Variants in LDLRAD4 observed in about 807,000 individuals in gnomAD.
LDLRAD4 encodes the protein low-density lipoprotein receptor class A domain-containing protein 4.
Under a neutral mutation model 17.0 loss-of-function variants are expected in LDLRAD4, and 5 were observed. That is an observed-to-expected ratio of 0.29 (90% CI 0.15 to 0.62). The LOEUF (loss-of-function observed/expected upper bound fraction) is 0.62, where lower values mean the gene tolerates loss of function less well. Ranked by LOEUF, LDLRAD4 falls within the 20% of genes least tolerant of loss-of-function variation. The pLI, the probability that LDLRAD4 is intolerant of heterozygous loss-of-function variation, is 0.84. For missense variants in LDLRAD4, 340 were observed against 424.7 expected (o/e 0.80, Z 1.75); for synonymous variants, 168 against 171.8 (o/e 0.98, Z 0.17).
At chr18:13,530,274 A>T (rs1601135663) in intron 3 of LDLRAD4, among the ~76,000 whole-genome samples, 1 of 152,236 alleles carries the variant, frequency 6.6e-6, no homozygotes, top group African/African-American at 2.4e-5. Context: ...AGAGGAAGGA[A>T]CACATGTTCG....
intron 3 of LDLRAD4, among the ~76,000 whole-genome samples, chr18:13,544,815 C>T (rs924091680): frequency 4.0e-5 from 6 of 151,070 alleles, no homozygotes; most frequent in South Asian, 2.1e-4. Context: ...TTTCAGCTGC[C>T]GCCAGGAAAA....
At chr18:13,591,994 A>G (rs2095035898) in intron 3 of LDLRAD4, among the ~76,000 whole-genome samples, 1 of 152,234 alleles carries the variant, frequency 6.6e-6, no homozygotes, top group South Asian at 2.1e-4. Flanking sequence ...AGCTCAGCTC[A>G]TTCAACCACA....
intron 3 of LDLRAD4, among the ~76,000 whole-genome samples, chr18:13,450,009 A>G (rs1333099022): frequency 3.9e-5 from 6 of 152,228 alleles, no homozygotes; most frequent in African/African-American, 1.4e-4. Context: ...AAGGACAGCC[A>G]AAGGAACACA....
At chr18:13,422,025 G>T (rs2089511865) in intron 2 of LDLRAD4, among the ~76,000 whole-genome samples, 2 of 152,238 alleles carry the variant, frequency 1.3e-5, no homozygotes, top group African/African-American at 2.4e-5. Flanking sequence ...CTCCCCCGGG[G>T]AGGAGCTCTG....
chr18:13,245,884 G>A (rs2042931157), intron 1 of LDLRAD4, among the ~76,000 whole-genome samples: 1 of 152,228 alleles, frequency 6.6e-6, no homozygotes, highest in Admixed American at 6.5e-5. Context: ...TGGAGACTAA[G>A]GGGAACAGTG....
intron 2 of LDLRAD4, among the ~76,000 whole-genome samples, chr18:13,414,356 T>C (rs1466975710): frequency 6.6e-6 from 1 of 152,218 alleles, no homozygotes; most frequent in Non-Finnish European, 1.5e-5. Context: ...TTGCACTAAG[T>C]GGGCCAGTGA....
At chr18:13,365,553 A>G (rs937360242) in intron 1 of LDLRAD4, among the ~76,000 whole-genome samples, 1 of 152,232 alleles carries the variant, frequency 6.6e-6, no homozygotes, top group Non-Finnish European at 1.5e-5. Flanking sequence ...AATCCCCTCC[A>G]TGACGGTGTC....
chr18:13,642,839 C>T (rs555684001), intron 4 of LDLRAD4: 3 of 830,014 alleles, frequency 3.6e-6, no homozygotes, highest in South Asian at 1.2e-4. Flanking sequence ...TGTTCACAGC[C>T]CTCCATGTAG....
At chr18:13,444,978 T>A (rs2091288967) in intron 3 of LDLRAD4, among the ~76,000 whole-genome samples, 1 of 152,188 alleles carries the variant, frequency 6.6e-6, no homozygotes, top group South Asian at 2.1e-4. Context: ...GTCCTTCCCA[T>A]GTGTGTTTAG....
chr18:13,448,677 G>A (rs1189211394), intron 3 of LDLRAD4, among the ~76,000 whole-genome samples: 2 of 152,080 alleles, frequency 1.3e-5, no homozygotes, highest in African/African-American at 4.8e-5. Context: ...CGATAAGGCG[G>A]GAGGTGACGC....
At chr18:13,513,482 C>T (rs533915443) in intron 3 of LDLRAD4, among the ~76,000 whole-genome samples, 279 of 152,296 alleles carry the variant, frequency 1.8e-3, no homozygotes, top group Non-Finnish European at 3.3e-3. Flanking sequence ...GTGTTTTTCC[C>T]TTCTTTTGTT....
At chr18:13,480,237 G>A (rs1214233866) in intron 3 of LDLRAD4, among the ~76,000 whole-genome samples, 1 of 152,178 alleles carries the variant, frequency 6.6e-6, no homozygotes, top group Non-Finnish European at 1.5e-5. Context: ...GCACTAAAAA[G>A]AAATGTGCTT....
intron 1 of LDLRAD4, among the ~76,000 whole-genome samples, chr18:13,229,757 A>C (rs2041980056): frequency 6.6e-6 from 1 of 152,002 alleles, no homozygotes; most frequent in African/African-American, 2.4e-5. Context: ...TTTATGGAGC[A>C]CTCAGGACGT....
At chr18:13,237,081 A>G (rs2042374538) in intron 1 of LDLRAD4, among the ~76,000 whole-genome samples, 1 of 152,160 alleles carries the variant, frequency 6.6e-6, no homozygotes, top group East Asian at 1.9e-4. Flanking sequence ...TGGAGGCTCC[A>G]CTCATAGAAC....
chr18:13,273,396 G>T (rs1163298913), upstream of LDLRAD4, among the ~76,000 whole-genome samples: 1 of 152,112 alleles, frequency 6.6e-6, no homozygotes, highest in Admixed American at 6.5e-5. Context: ...AAACTCCTGG[G>T]CTCAAGAGAT....
intron 4 of LDLRAD4, among the ~76,000 whole-genome samples, chr18:13,638,042 C>A (rs1403104405): frequency 2.6e-5 from 4 of 152,122 alleles, no homozygotes; most frequent in Admixed American, 2.6e-4. Context: ...AGCCTCATGA[C>A]AACCTCTTTT....
chr18:13,264,272 G>A (rs754171681), intron 1 of LDLRAD4, among the ~76,000 whole-genome samples: 9 of 152,232 alleles, frequency 5.9e-5, no homozygotes, highest in African/African-American at 1.4e-4. Flanking sequence ...TTACGTCAAC[G>A]GCCAGTGAAG....
At chr18:13,257,461 G>A (rs754565926) in intron 1 of LDLRAD4, among the ~76,000 whole-genome samples, 2 of 152,170 alleles carry the variant, frequency 1.3e-5, no homozygotes, top group Non-Finnish European at 1.5e-5. Flanking sequence ...GTGGACATGC[G>A]GTTGCTTTTC....
chr18:13,352,359 A>G (rs1303727256), intron 1 of LDLRAD4, among the ~76,000 whole-genome samples: 2 of 151,762 alleles, frequency 1.3e-5, no homozygotes, highest in African/African-American at 2.4e-5. Flanking sequence ...AACATACAGA[A>G]TTCTTGGCTG....
Sources: allele counts gnomAD v4.1 joint callset (sites outside exome capture counted in the v4.1 genomes callset), GRCh38; gene constraint gnomAD v4.1.1; transcripts MANE v1.5; gene names NCBI Gene and HGNC (gene_info 2026-07-23, HGNC 2026-07-21).